Variants in TBCK observed in about 807,000 individuals in gnomAD.
TBCK encodes TBC1 domain containing kinase.
In TBCK, 99 loss-of-function variants were observed where a neutral mutation model predicts 113.4. That is an observed-to-expected ratio of 0.87 (90% CI 0.74 to 1.03). The LOEUF (loss-of-function observed/expected upper bound fraction) is 1.03, where lower values mean the gene tolerates loss of function less well. Among genes scored for constraint, TBCK ranks in the 50% least tolerant of loss-of-function variants. The pLI, the probability that TBCK is intolerant of heterozygous loss-of-function variation, is 0.00. For missense variants in TBCK, 1,045 were observed against 1,061.3 expected (o/e 0.98, Z 0.21); for synonymous variants, 369 against 370.8 (o/e 1.00, Z 0.05).
chr4:106,212,306 C>T (rs560576566), intron 20 of TBCK, among the ~76,000 whole-genome samples: 3 of 152,202 alleles, frequency 2.0e-5, no homozygotes, highest in South Asian at 4.1e-4. Flanking sequence ...CTACAGCTAA[C>T]GTTTGATTTT....
At chr4:106,289,959 A>G (rs970676399) in intron 3 of TBCK, among the ~76,000 whole-genome samples, 1 of 152,138 alleles carries the variant, frequency 6.6e-6, no homozygotes. Flanking sequence ...ATATTGCATC[A>G]CACATATTGC....
At chr4:106,252,824 C>G (rs1040494329) in intron 5 of TBCK, among the ~76,000 whole-genome samples, 4 of 151,936 alleles carry the variant, frequency 2.6e-5, no homozygotes, top group African/African-American at 7.3e-5. Flanking sequence ...TTTGATTTAC[C>G]ACACCAAGTT....
At chr4:106,070,476 T>C (rs971814132) in intron 25 of TBCK, among the ~76,000 whole-genome samples, 1 of 152,176 alleles carries the variant, frequency 6.6e-6, no homozygotes, top group Non-Finnish European at 1.5e-5. Context: ...CAGCCTTCCA[T>C]TGCAGGGATG....
At chr4:106,146,825 G>T (rs1209691014) in intron 23 of TBCK, among the ~76,000 whole-genome samples, 1 of 152,150 alleles carries the variant, frequency 6.6e-6, no homozygotes, top group Non-Finnish European at 1.5e-5. Context: ...TTTCTCTGTA[G>T]CATGCAATGC....
At chr4:106,078,926 AC>A (rs1738540439) in intron 25 of TBCK, among the ~76,000 whole-genome samples, 2 of 152,136 alleles carry the variant, frequency 1.3e-5, no homozygotes, top group South Asian at 4.1e-4. Context: ...GCATCAAAAA[AC>A]TAATGCACTA....
rs1291174275 is a variant in TBCK, at chr4:106,042,338, T to C, written c.*4232A>G. The C allele has an allele frequency of 6.6e-6, 1 of 152,186 alleles. No homozygotes were observed. Among genetic ancestry groups the C allele is most frequent in the Non-Finnish European group, 1.5e-5 (1 of 68,038 alleles). 9.4% of individuals were successfully genotyped at this position (152,186 alleles called of 1,614,324 possible). Reference sequence around the variant, plus strand: ...CTTCTCTCCTTGTAGTGGATTTTATTAAATAAGACTACTGCATAAGATTTT... The same window carrying C: ...CTTCTCTCCTTGTAGTGGATTTTATCAAATAAGACTACTGCATAAGATTTT... On this transcript the variant is annotated 3_prime_UTR_variant, in exon 26 of 26. Transcript: ENST00000394708.
At chr4:106,136,362 G>C (rs906278859) in intron 23 of TBCK, among the ~76,000 whole-genome samples, 1 of 141,204 alleles carries the variant, frequency 7.1e-6, no homozygotes, top group African/African-American at 2.5e-5. Context: ...CTGCAACTTG[G>C]TTTCTGTCAT....
In TBCK at chr4:106,288,367, C is replaced by A. The variant is rs1405393692; in HGVS notation, c.266+6727G>T. ...TGAGATCGTACCACCGCACTCCAGC[C>A]GGGGCGACAAAGCGAGACTCCGTCT... On this transcript the variant is annotated intron_variant, in intron 3 of 25. Transcript: ENST00000394708. Among the ~76,000 whole-genome samples, 3 of 151,358 alleles carry A rather than the reference C, an allele frequency of 2.0e-5. No homozygotes were observed. The South Asian group carries it at 6.3e-4, about 32-fold the overall frequency.
intron 2 of TBCK, among the ~76,000 whole-genome samples, chr4:106,301,695 A>G (rs1265776794): frequency 6.6e-6 from 1 of 152,216 alleles, no homozygotes; most frequent in Admixed American, 6.5e-5. Flanking sequence ...ACTAAAACAG[A>G]CCACATGTAA....
intron 20 of TBCK, among the ~76,000 whole-genome samples, chr4:106,196,970 A>G (rs1425928992): frequency 1.3e-5 from 2 of 152,152 alleles, no homozygotes. Flanking sequence ...GCTTCTGACC[A>G]AGGTGGCATA....
chr4:106,198,046 A>G (rs1754462776), intron 20 of TBCK, among the ~76,000 whole-genome samples: 3 of 144,804 alleles, frequency 2.1e-5, no homozygotes, highest in East Asian at 1.9e-4. Flanking sequence ...CACCACATCA[A>G]TATGTTCCCA....
intron 23 of TBCK, among the ~76,000 whole-genome samples, chr4:106,145,020 CAAA>C (rs34322527): frequency 4.5e-5 from 4 of 88,706 alleles, no homozygotes; most frequent in Admixed American, 1.3e-4. Flanking sequence ...AACTCCGTGT[CAAA>C]AAAAAAAAAA....
intron 12 of TBCK, among the ~76,000 whole-genome samples, chr4:106,238,174 A>G (rs1297459746): frequency 1.3e-5 from 2 of 152,088 alleles, no homozygotes; most frequent in African/African-American, 2.4e-5. Context: ...CTGAAATCAT[A>G]TATTTTGGAT....
chr4:106,094,031 C>T (rs1458767627), intron 25 of TBCK, among the ~76,000 whole-genome samples: 1 of 152,024 alleles, frequency 6.6e-6, no homozygotes, highest in Non-Finnish European at 1.5e-5. Context: ...ATTTCTATTC[C>T]TCTCGATTTT....
chr4:106,236,036 T>C (rs1258130228), intron 14 of TBCK, among the ~76,000 whole-genome samples: 3 of 151,964 alleles, frequency 2.0e-5, no homozygotes, highest in Non-Finnish European at 2.9e-5. Context: ...TCATTCCCAG[T>C]GAAGATGAAC....
intron 2 of TBCK, among the ~76,000 whole-genome samples, chr4:106,296,663 G>A (rs561034215): frequency 1.9e-4 from 29 of 152,062 alleles, no homozygotes; most frequent in Non-Finnish European, 4.1e-4. Context: ...AGAATGATCT[G>A]AAACACAAAA....
intron 20 of TBCK, among the ~76,000 whole-genome samples, 168 bp downstream of exon 20, chr4:106,212,582 A>AC (rs1467129385): frequency 6.6e-5 from 10 of 152,180 alleles, no homozygotes; most frequent in African/African-American, 2.2e-4. Flanking sequence ...TTAAGGTGGA[A>AC]ATATGGAAAG....
chr4:106,111,017 A>C (rs1335222487), intron 24 of TBCK, among the ~76,000 whole-genome samples: 1 of 152,070 alleles, frequency 6.6e-6, no homozygotes, highest in Non-Finnish European at 1.5e-5. Flanking sequence ...ATTAAAGAAA[A>C]CGGAGCCACT....
At position 106,137,518 on chromosome 4, in the gene TBCK, AT is replaced by A. The variant is rs1746699381; in HGVS notation, c.2236-21141del. ...GAAAAGTTACCTTCAAAAACTATCA[AT>A]CTACAAATATCATTTTGATCCATAT... On this transcript the variant is annotated intron_variant, in intron 23 of 25. Coordinates refer to ENST00000394708, the MANE Select transcript of TBCK (RefSeq NM_001163435.3). Among the ~76,000 whole-genome samples the A allele has an allele frequency of 1.4e-5, 2 of 140,572 alleles. 1 individual carries two copies. 92.2% of individuals were successfully genotyped at this position (140,572 alleles called of 152,430 possible). A position where few individuals can be genotyped will look rare whatever the true frequency, so the allele number is the denominator to read the frequency against.
Sources: allele counts gnomAD v4.1 joint callset (sites outside exome capture counted in the v4.1 genomes callset), GRCh38; gene constraint gnomAD v4.1.1; transcripts MANE v1.5; gene names NCBI Gene and HGNC (gene_info 2026-07-23, HGNC 2026-07-21).